PLD1: variants seen among roughly 807,000 people sequenced by gnomAD.
PLD1 encodes choline phosphatase 1.
In PLD1, 112 loss-of-function variants were observed where a neutral mutation model predicts 137.1. That is an observed-to-expected ratio of 0.82 (90% confidence interval 0.70 to 0.96). The LOEUF is 0.96. PLD1 is among the 40% of genes least tolerant of loss of function. PLD1 has a pLI of 0.00. For missense variants in PLD1, 1,321 were observed against 1,342.0 expected (o/e 0.98, Z 0.24); for synonymous variants, 431 against 454.7 (o/e 0.95, Z 0.66).
chr3:171,664,679 G>A (rs575892041), intron 19 of PLD1, among the ~76,000 whole-genome samples: 212 of 152,064 alleles, frequency 1.4e-3, no homozygotes, highest in African/African-American at 5.0e-3. Flanking sequence ...GGCTGGTCTT[G>A]AACTCCTGAC....
chr3:171,799,900 AG>A (rs60386787), intron 1 of PLD1, among the ~76,000 whole-genome samples: 45,189 of 152,010 alleles, frequency 0.3, 7,058 homozygotes, highest in Admixed American at 0.35. Flanking sequence ...AAAACTATCA[AG>A]GTCATCAAAA....
At chr3:171,603,356 G>T in intron 26 of PLD1, 54 bp from the exon 27 acceptor site, 1 of 1,206,928 alleles carries the variant, frequency 8.3e-7, no homozygotes, top group Non-Finnish European at 1.2e-6. Flanking sequence ...CGAGCACATG[G>T]CCTTTATGGA....
In PLD1 at chr3:171,602,070, G is replaced by A. The variant is rs1731865551; in HGVS notation, c.*1008C>T. 1.3e-5 allele frequency: 2 copies of A among 152,288 alleles called. No individual in the cohort carries two copies. Among genetic ancestry groups the A allele is most frequent in the Middle Eastern group, 3.4e-3 (1 of 294 alleles). 9.4% of individuals were successfully genotyped at this position (152,288 alleles called of 1,614,324 possible). ...AGACTCATACTTACTAACTTGGTAG[G>A]AGTTACGATGCCTCTGATTCTCTTG... On this transcript the variant is annotated 3_prime_UTR_variant, in exon 27 of 27. Transcript: ENST00000351298.
At chr3:171,779,871 T>C (rs2108339895) in intron 1 of PLD1, among the ~76,000 whole-genome samples, 1 of 151,944 alleles carries the variant, frequency 6.6e-6, no homozygotes, top group East Asian at 1.9e-4. Flanking sequence ...TACATAAGTC[T>C]AACATTCAGG....
At chr3:171,609,933 C>T (rs577935878) in intron 25 of PLD1, among the ~76,000 whole-genome samples, 6 of 152,102 alleles carry the variant, frequency 3.9e-5, no homozygotes, top group Middle Eastern at 3.4e-3. Flanking sequence ...AACCTTCCAT[C>T]GTAATGGGCA....
At chr3:171,622,425 C>T (rs560535178) in intron 23 of PLD1, among the ~76,000 whole-genome samples, 1 of 152,094 alleles carries the variant, frequency 6.6e-6, no homozygotes, top group Non-Finnish European at 1.5e-5. Context: ...AAATAATACA[C>T]CATGACCAAG....
Position 171,692,543 on chromosome 3 carries a change from CAG to C in PLD1, c.1228-103_1228-102del, listed in dbSNP as rs1433047699. 3.8e-5 allele frequency: 25 copies of C among 650,602 alleles called. No homozygotes were observed. In the East Asian group the frequency reaches 4.2e-4, roughly 11 times the overall value. The allele number at this position is 650,602 out of a possible 1,614,324, so 40.3% of individuals were successfully genotyped here. A position where few individuals can be genotyped will look rare whatever the true frequency, so the allele number is the denominator to read the frequency against. On this transcript the variant is annotated intron_variant, in intron 12 of 26. Coordinates refer to ENST00000351298, the MANE Select transcript of PLD1 (RefSeq NM_002662.5). ...ACTGTACTTTCTTTCTTTTTTTTTT[CAG>C]AGTCTCACTCTGTCACCCAGCCTGG...
At chr3:171,747,201 A>C (rs926443059) in intron 1 of PLD1, among the ~76,000 whole-genome samples, 4 of 152,130 alleles carry the variant, frequency 2.6e-5, no homozygotes, top group African/African-American at 9.7e-5. Flanking sequence ...TGTAACACTT[A>C]CCACAAGGGT....
At chr3:171,723,178 G>T (rs533023084) in intron 8 of PLD1, among the ~76,000 whole-genome samples, 5 of 152,016 alleles carry the variant, frequency 3.3e-5, no homozygotes, top group African/African-American at 1.2e-4. Flanking sequence ...AAATCTCCAT[G>T]AGTTCAGTTG....
intron 1 of PLD1, among the ~76,000 whole-genome samples, chr3:171,776,941 A>G (rs1722611724): frequency 6.6e-6 from 1 of 152,208 alleles, no homozygotes; most frequent in African/African-American, 2.4e-5. Flanking sequence ...TTAACTAGAT[A>G]ACCTCTCTTT....
At chr3:171,690,915 G>C (rs1215477313) in intron 13 of PLD1, among the ~76,000 whole-genome samples, 1 of 152,138 alleles carries the variant, frequency 6.6e-6, no homozygotes, top group African/African-American at 2.4e-5. Context: ...CCATTACTGA[G>C]AGTGAGATGT....
chr3:171,676,789 T>A lies in PLD1; in HGVS notation c.2041A>T (p.Ile681Phe). The stretch of plus-strand genomic sequence containing the variant: ...GCCTTCCCGTGGACTGCAGAGGCAA[T>A]GTCATGCCAGGGCATCCGGGGCGTG... Reference protein sequence around the residue: ...YSTPRMPWHDIASAVHGKAAR... With the variant: ...YSTPRMPWHDFASAVHGKAAR... The change falls in exon 18 of 27, where the codon ATT (isoleucine) becomes TTT (phenylalanine). Residue 681 changes from isoleucine to phenylalanine, a missense_variant. Transcript: ENST00000351298. The A allele has an allele frequency of 1.2e-6, 2 of 1,614,144 alleles. No homozygotes were observed. Among genetic ancestry groups the A allele is most frequent in the Non-Finnish European group, 8.5e-7 (1 of 1,180,008 alleles).
At chr3:171,706,979 T>C (rs935117294) in intron 11 of PLD1, among the ~76,000 whole-genome samples, 6 of 152,182 alleles carry the variant, frequency 3.9e-5, no homozygotes, top group African/African-American at 1.4e-4. Flanking sequence ...CAGAATACTA[T>C]GCAGCCATAA....
At chr3:171,631,745 T>C (rs1734685462) in intron 23 of PLD1, among the ~76,000 whole-genome samples, 1 of 151,838 alleles carries the variant, frequency 6.6e-6, no homozygotes, top group African/African-American at 2.4e-5. Context: ...ACTCACTAAA[T>C]AAGAGAAGCA....
intron 11 of PLD1, among the ~76,000 whole-genome samples, chr3:171,706,823 T>C (rs1716731219): frequency 6.6e-6 from 1 of 152,202 alleles, no homozygotes; most frequent in South Asian, 2.1e-4. Flanking sequence ...AGTGCAGTCG[T>C]GAAAAATAAG....
chr3:171,783,481 G>C (rs1358192713), intron 1 of PLD1, among the ~76,000 whole-genome samples: 1 of 152,186 alleles, frequency 6.6e-6, no homozygotes, highest in African/African-American at 2.4e-5. Context: ...AAAGGTGGCA[G>C]AGTCAAAGGA....
In PLD1 at chr3:171,687,442, C is replaced by T. The variant is rs1279095894; in HGVS notation, c.1682G>A (p.Ser561Asn). 2.5e-6 allele frequency: 4 copies of T among 1,614,068 alleles called. No homozygotes were observed. Among genetic ancestry groups the T allele is most frequent in the South Asian group, 2.2e-5 (2 of 91,078 alleles). ...GTGCCTGTGGAGCTGCTTGTAGAGA[C>T]TAAATTTGGAGAACTTTCTTGGCTT... Reference protein sequence around the residue: ...IGKPRKFSKFSLYKQLHRHHL... With the variant: ...IGKPRKFSKFNLYKQLHRHHL... Residue 561 changes from serine to asparagine, a missense_variant, in exon 15 of 27, where the codon AGT (serine) becomes AAT (asparagine). Ser to Asn is a conservative substitution (Grantham distance 46, BLOSUM62 1). Transcript: ENST00000351298.
At chr3:171,692,814 C>G (rs767722849) in intron 12 of PLD1, among the ~76,000 whole-genome samples, 1 of 152,158 alleles carries the variant, frequency 6.6e-6, no homozygotes, top group Non-Finnish European at 1.5e-5. Flanking sequence ...AGCCACTGCA[C>G]CTGGCCTGCA....
intron 23 of PLD1, among the ~76,000 whole-genome samples, chr3:171,637,773 G>A (rs1735257140): frequency 6.6e-6 from 1 of 152,112 alleles, no homozygotes; most frequent in East Asian, 1.9e-4. Context: ...CTACAAACCT[G>A]TACAGCATGA....
Sources: allele counts gnomAD v4.1 joint callset (sites outside exome capture counted in the v4.1 genomes callset), GRCh38; gene constraint gnomAD v4.1.1; transcripts MANE v1.5; gene names NCBI Gene and HGNC (gene_info 2026-07-23, HGNC 2026-07-21).